Variants in AKNAD1 observed in about 807,000 individuals in gnomAD.
The protein encoded by AKNAD1 is protein AKNAD1.
In AKNAD1, 67 loss-of-function variants were observed where a neutral mutation model predicts 90.8. That is an observed-to-expected ratio of 0.74 (90% CI 0.61 to 0.90). AKNAD1 has a LOEUF of 0.90. AKNAD1 is among the 40% of genes least tolerant of loss of function. AKNAD1 has a pLI of 0.00. For synonymous variants in AKNAD1, 327 were observed against 341.4 expected (o/e 0.96, Z 0.46); for missense variants, 957 against 975.4 (o/e 0.98, Z 0.25).
chr1:108,849,478 C>T lies in AKNAD1; in HGVS notation c.1033+59G>A, dbSNP rs1664789135. The T allele has an allele frequency of 2.6e-6, 3 of 1,161,420 alleles. No individual in the cohort carries two copies. In the Admixed American group the frequency reaches 5.3e-5, roughly 20 times the overall value. 71.9% of individuals were successfully genotyped at this position (1,161,420 alleles called of 1,614,324 possible). On this transcript the variant is annotated intron_variant, in intron 3 of 15. Transcript: ENST00000370001. The stretch of plus-strand genomic sequence containing the variant: ...TGGGTGACAGAGTGAGACCCTGTCT[C>T]AAAAAGACAAAAACAAAACATATAT...
chr1:108,830,059 T>C (rs1664136727), intron 10 of AKNAD1, among the ~76,000 whole-genome samples: 1 of 152,168 alleles, frequency 6.6e-6, no homozygotes, highest in Admixed American at 6.5e-5. Context: ...GGCTTGTTCC[T>C]GGGACTGGGG....
chr1:108,843,875 T>C (rs1054569650), intron 5 of AKNAD1, among the ~76,000 whole-genome samples: 1 of 152,150 alleles, frequency 6.6e-6, no homozygotes, highest in African/African-American at 2.4e-5. Context: ...CAGATGAATG[T>C]TTAAACTGTG....
intron 3 of AKNAD1, among the ~76,000 whole-genome samples, chr1:108,849,317 CA>C (rs375700386): frequency 0.022 from 3,218 of 143,968 alleles, 93 homozygotes; most frequent in African/African-American, 0.071. Flanking sequence ...CCCACATCTA[CA>C]AAAAAAAAAA....
intron 1 of AKNAD1, among the ~76,000 whole-genome samples, chr1:108,854,958 A>G (rs1009616671): frequency 4.6e-5 from 7 of 152,226 alleles, no homozygotes; most frequent in African/African-American, 1.7e-4. Flanking sequence ...AGTACTCGGC[A>G]TAGGGCTTGG....
At chr1:108,824,228 G>A (rs1313678871) in intron 11 of AKNAD1, among the ~76,000 whole-genome samples, 3 of 152,216 alleles carry the variant, frequency 2.0e-5, no homozygotes, top group Admixed American at 6.5e-5. Flanking sequence ...TGCAGGTCTA[G>A]AACCTGTCTG....
In AKNAD1 at chr1:108,852,135, T is replaced by A. The variant is rs374287129; in HGVS notation, c.530A>T (p.Asp177Val). 1.3e-5 allele frequency: 21 copies of A among 1,614,200 alleles called. No individual in the cohort carries two copies. The highest frequency in any genetic ancestry group is 1.8e-5 in the Non-Finnish European group (21 of 1,180,026). The change falls in exon 2 of 16, where the codon GAT becomes GTT. Residue 177 changes from aspartate (D) to valine (V), a missense_variant. Physicochemically the swap from Asp to Val is radical, Grantham distance 152. Coordinates refer to ENST00000370001, the MANE Select transcript of AKNAD1 (RefSeq NM_152763.5). ...ACCAGGCTTATTGCTGTTTTCACCATCCCTTTTCGGGTTGAGTTGGTCAGT... is the reference window on the plus strand; with the variant it reads ...ACCAGGCTTATTGCTGTTTTCACCAACCCTTTTCGGGTTGAGTTGGTCAGT... ...ELTDQLNPKR[D>V]GENSNKPGSA...
intron 6 of AKNAD1, among the ~76,000 whole-genome samples, chr1:108,842,749 G>T (rs116804755): frequency 0.013 from 1,960 of 152,226 alleles, 35 homozygotes; most frequent in African/African-American, 0.044. Flanking sequence ...AGCTGAGAGG[G>T]AGAGGAGAGG....
chr1:108,815,943 AT>A lies in AKNAD1; in HGVS notation c.*227del. The A allele has an allele frequency of 3.3e-6, 1 of 299,198 alleles. No individual in the cohort carries two copies. Among genetic ancestry groups the A allele is most frequent in the East Asian group, 6.1e-5 (1 of 16,314 alleles). 18.5% of individuals were successfully genotyped at this position (299,198 alleles called of 1,614,324 possible). A position where few individuals can be genotyped will look rare whatever the true frequency, so the allele number is the denominator to read the frequency against. On this transcript the variant is annotated 3_prime_UTR_variant, in exon 16 of 16. Transcript: ENST00000370001. ...TTATTATGAGTTAAGAAGAACATAG[AT>A]TTATTTTAAAATAAATACTTGTTGG...
At chr1:108,816,337 AAACT>A (rs1344586146) in intron 15 of AKNAD1, 35 bp from the exon 16 acceptor site, 1 of 1,588,194 alleles carries the variant, frequency 6.3e-7, no homozygotes, top group East Asian at 2.3e-5. Flanking sequence ...TTAATTACAT[AAACT>A]AACTGCTGTT....
intron 7 of AKNAD1, among the ~76,000 whole-genome samples, chr1:108,835,658 C>T (rs1158364664): frequency 2.0e-5 from 3 of 150,620 alleles, no homozygotes; most frequent in African/African-American, 7.3e-5. Flanking sequence ...GGAGTCTTGC[C>T]CTGTCACCCA....
chr1:108,823,309 G>T (rs926208613), intron 13 of AKNAD1, 61 bp downstream of exon 13: 2 of 1,303,962 alleles, frequency 1.5e-6, no homozygotes, highest in African/African-American at 1.5e-5. Context: ...TCATGTGAAT[G>T]TCCCATACCT....
intron 2 of AKNAD1, among the ~76,000 whole-genome samples, chr1:108,850,769 T>C (rs1664831442): frequency 6.6e-6 from 1 of 152,178 alleles, no homozygotes; most frequent in African/African-American, 2.4e-5. Flanking sequence ...GATCATGCAC[T>C]CTAGGCAAAG....
intron 8 of AKNAD1, among the ~76,000 whole-genome samples, 156 bp downstream of exon 8, chr1:108,834,773 G>T (rs1182167627): frequency 6.6e-6 from 1 of 152,050 alleles, no homozygotes; most frequent in East Asian, 1.9e-4. Flanking sequence ...AGGCCCTGCT[G>T]GTGGGGCAGG....
intron 10 of AKNAD1, among the ~76,000 whole-genome samples, chr1:108,828,580 C>T (rs1664086580): frequency 6.6e-6 from 1 of 151,860 alleles, no homozygotes; most frequent in South Asian, 2.1e-4. Flanking sequence ...GCTGGGCAAA[C>T]ACATGCTCGC....
In AKNAD1 at chr1:108,848,993, A is replaced by C. The variant is rs1664778636; in HGVS notation, c.1101T>G (p.Ser367=). 1.9e-6 allele frequency: 3 copies of C among 1,611,886 alleles called. No individual in the cohort carries two copies. The highest frequency in any genetic ancestry group is 2.5e-6 in the Non-Finnish European group (3 of 1,179,520). Residue 367 remains serine, a synonymous_variant, in exon 4 of 16, where the codon TCT becomes TCG. Coordinates refer to ENST00000370001, the MANE Select transcript of AKNAD1 (RefSeq NM_152763.5). ...GGGATATCTTTTGAAATATGTAAGA[A>C]GAACTTGAGGAAGTGCCTTTCTGAG... ...PTSQKGTSSS[S]SYIFQKISQG...
At chr1:108,852,856 G>T in intron 1 of AKNAD1, 89 bp from the exon 2 acceptor site, 2 of 471,290 alleles carry the variant, frequency 4.2e-6, no homozygotes, top group South Asian at 9.0e-5. Context: ...TTTTTAATTT[G>T]AAAAATTCAG....
chr1:108,819,636 C>CT (rs2101156348), intron 14 of AKNAD1, among the ~76,000 whole-genome samples: 1 of 151,662 alleles, frequency 6.6e-6, no homozygotes, highest in South Asian at 2.1e-4. Flanking sequence ...TTTAACTTCA[C>CT]TGGGGGGCCA....
chr1:108,851,813 T>C lies in AKNAD1; in HGVS notation c.852A>G (p.Lys284=). The change falls in exon 2 of 16, where the codon AAA becomes AAG. Residue 284 remains lysine, a synonymous_variant. Coordinates refer to ENST00000370001, the MANE Select transcript of AKNAD1 (RefSeq NM_152763.5). ...TCGACTTGGAAGAAAAGCTGGCTTG[T>C]TTAGCTATTGCAAGTGGTTTATTAA... ...KIINKPLAIA[K]QASFSSKSRD... 3 of 1,614,146 alleles carry C rather than the reference T, an allele frequency of 1.9e-6. No homozygotes were observed. Among genetic ancestry groups the C allele is most frequent in the Non-Finnish European group, 1.7e-6 (2 of 1,180,012 alleles).
At chr1:108,856,522 A>G (rs1225579822) in intron 1 of AKNAD1, among the ~76,000 whole-genome samples, 2 of 151,544 alleles carry the variant, frequency 1.3e-5, no homozygotes, top group African/African-American at 4.8e-5. Flanking sequence ...CAACAAAGCA[A>G]GACCCTGTCT....
Sources: allele counts gnomAD v4.1 joint callset (sites outside exome capture counted in the v4.1 genomes callset), GRCh38; gene constraint gnomAD v4.1.1; transcripts MANE v1.5; gene names NCBI Gene and HGNC (gene_info 2026-07-23, HGNC 2026-07-21).